TSGA10: variants seen among roughly 807,000 people sequenced by gnomAD.
TSGA10 encodes the protein testis-specific gene 10 protein.
A neutral mutation model predicts 96.6 loss-of-function variants in TSGA10; 43 were observed. The observed-to-expected ratio is 0.44, with a 90% confidence interval of 0.35 to 0.57. The LOEUF (loss-of-function observed/expected upper bound fraction) is 0.57. Ranked by LOEUF, TSGA10 falls within the 20% of genes least tolerant of loss-of-function variation. TSGA10 has a pLI of 0.01. For missense variants in TSGA10, 703 were observed against 834.4 expected, an observed-to-expected ratio of 0.84 and a Z score of 1.94; for synonymous variants, 229 against 269.9, an observed-to-expected ratio of 0.85 and a Z score of 1.48.
chr2:99,102,773 G>A (rs2104791616), intron 10 of TSGA10: 1 of 1,555,724 alleles, frequency 6.4e-7, no homozygotes, highest in Non-Finnish European at 8.9e-7. Context: ...CTACTTACTG[G>A]TTTGGGAGTT....
intron 20 of TSGA10, among the ~76,000 whole-genome samples, chr2:99,010,665 G>A (rs1277935294): frequency 6.6e-6 from 1 of 152,240 alleles, no homozygotes; most frequent in African/African-American, 2.4e-5. Context: ...AGCAGAATTG[G>A]GGAGGGGTCA....
chr2:99,082,639 C>G (rs1057190282), intron 10 of TSGA10, among the ~76,000 whole-genome samples: 8 of 152,076 alleles, frequency 5.3e-5, no homozygotes, highest in African/African-American at 1.9e-4. Flanking sequence ...GCTCTCAACC[C>G]AAGCACAGAA....
intron 1 of TSGA10, among the ~76,000 whole-genome samples, chr2:99,147,797 GTATC>G (rs34532676): frequency 0.51 from 76,788 of 151,420 alleles, 21,349 homozygotes; most frequent in Middle Eastern, 0.7. Flanking sequence ...CTGTATCTAT[GTATC>G]TATCTATCTA....
rs547114051 is a variant in TSGA10, at chr2:99,060,894, C to T, written c.1404+4045G>A. 2.0e-3 allele frequency among the ~76,000 whole-genome samples: 308 copies of T among 152,216 alleles called. 1 individual carries two copies. Among genetic ancestry groups the T allele is most frequent in the African/African-American group, 7.1e-3 (293 of 41,546 alleles). The stretch of plus-strand genomic sequence containing the variant: ...CTGTATGAGAAAAAATGAACCTTGA[C>T]CCTTATCTTACATCATACACAAGTA... On this transcript the variant is annotated intron_variant, in intron 16 of 20. Transcript: ENST00000393483.
chr2:99,041,345 C>G (rs1007748203), intron 16 of TSGA10, among the ~76,000 whole-genome samples: 1 of 152,116 alleles, frequency 6.6e-6, no homozygotes, highest in African/African-American at 2.4e-5. Flanking sequence ...CTTTGCGACA[C>G]CAGGGAACAA....
chr2:99,087,029 C>T (rs1211525040), intron 10 of TSGA10, among the ~76,000 whole-genome samples: 3 of 151,806 alleles, frequency 2.0e-5, no homozygotes, highest in Non-Finnish European at 2.9e-5. Context: ...ACAGTGAAAC[C>T]CCGTCTCTAC....
At chr2:99,032,006 C>T (rs904826071) in intron 17 of TSGA10, among the ~76,000 whole-genome samples, 4 of 152,156 alleles carry the variant, frequency 2.6e-5, no homozygotes, top group African/African-American at 9.7e-5. Flanking sequence ...AGACTCATAT[C>T]AAAACCCTAT....
chr2:99,080,592 A>G (rs1162461090), intron 11 of TSGA10, among the ~76,000 whole-genome samples: 6 of 152,242 alleles, frequency 3.9e-5, no homozygotes, highest in African/African-American at 1.4e-4. Context: ...CTCCTTCAAT[A>G]TTATCTTTTA....
At chr2:99,020,536 T>C in intron 17 of TSGA10, 54 bp from the exon 18 acceptor site, 3 of 1,365,846 alleles carry the variant, frequency 2.2e-6, no homozygotes, top group South Asian at 1.3e-5. Context: ...CACTTAACTA[T>C]TATATTATCA....
chr2:99,037,691 A>C (rs1300004098), intron 16 of TSGA10, among the ~76,000 whole-genome samples: 1 of 152,108 alleles, frequency 6.6e-6, no homozygotes, highest in Non-Finnish European at 1.5e-5. Flanking sequence ...TCTACTAAAA[A>C]TACAAAAAAT....
chr2:98,998,342 G>C (rs1008245434), intron 20 of TSGA10, 121 bp from the exon 21 acceptor site: 2 of 761,624 alleles, frequency 2.6e-6, no homozygotes, highest in African/African-American at 3.6e-5. Flanking sequence ...TCATTTCTAT[G>C]AAGGAAAACA....
At chr2:99,100,813 C>T (rs1363176386) in intron 10 of TSGA10, among the ~76,000 whole-genome samples, 1 of 123,492 alleles carries the variant, frequency 8.1e-6, no homozygotes, top group African/African-American at 3.0e-5. Flanking sequence ...GAGCGAGACT[C>T]CGTCTCAAAA....
chr2:99,113,563 T>C (rs1014065908), intron 4 of TSGA10, among the ~76,000 whole-genome samples: 1 of 152,212 alleles, frequency 6.6e-6, no homozygotes, highest in African/African-American at 2.4e-5. Flanking sequence ...TGTTGTTTTT[T>C]GAGATCGAGT....
At chr2:99,036,307 T>C (rs578200297) in intron 16 of TSGA10, among the ~76,000 whole-genome samples, 1 of 152,220 alleles carries the variant, frequency 6.6e-6, no homozygotes, top group South Asian at 2.1e-4. Context: ...CACTCTTTCT[T>C]ATTCTCCAAG....
intron 17 of TSGA10, among the ~76,000 whole-genome samples, chr2:99,032,937 T>C (rs2081275487): frequency 6.6e-6 from 1 of 152,208 alleles, no homozygotes; most frequent in Non-Finnish European, 1.5e-5. Context: ...GTGATATATT[T>C]TTCAGGAGCA....
Position 99,144,649 on chromosome 2 carries a change from C to CA in TSGA10, c.-621+10043dup, listed in dbSNP as rs70940140. On this transcript the variant is annotated intron_variant, in intron 1 of 20. Transcript: ENST00000393483. ...GGGGGACAAGAACAAAACTCTGTCTCAAAAAAAAAAAAAAAAAAAAAAGAT... is the reference window on the plus strand; with the variant it reads ...GGGGGACAAGAACAAAACTCTGTCTCAAAAAAAAAAAAAAAAAAAAAAAGAT... Among the ~76,000 whole-genome samples the CA allele has an allele frequency of 5.9e-3, 307 of 52,208 alleles. 8 individuals are homozygous for CA. Among genetic ancestry groups the CA allele is most frequent in the South Asian group, 0.011 (10 of 926 alleles). 34.3% of individuals were successfully genotyped at this position (52,208 alleles called of 152,430 possible). A position where few individuals can be genotyped will look rare whatever the true frequency, so the allele number is the denominator to read the frequency against.
At chr2:99,089,234 G>C (rs374729687) in intron 10 of TSGA10, among the ~76,000 whole-genome samples, 2 of 152,186 alleles carry the variant, frequency 1.3e-5, no homozygotes, top group South Asian at 2.1e-4. Context: ...AGTAAGCAGC[G>C]GGAAGAGCCC....
intron 17 of TSGA10, among the ~76,000 whole-genome samples, chr2:99,027,010 T>C (rs1037307493): frequency 5.9e-5 from 9 of 152,186 alleles, no homozygotes; most frequent in Non-Finnish European, 1.3e-4. Context: ...CCTAGATCCC[T>C]TGCATGCGCA....
rs1488393164 is a variant in TSGA10 at position 99,118,616 on chromosome 2, T to C, written c.-421A>G. 1.8e-5 allele frequency: 18 copies of C among 984,786 alleles called. No homozygotes were observed. Among genetic ancestry groups the C allele is most frequent in the Non-Finnish European group, 2.0e-5 (17 of 829,526 alleles). The allele number at this position is 984,786 out of a possible 1,614,324, so 61.0% of individuals were successfully genotyped here. ...CTAATGTGGAGGAACACAGCTTTCCTTCCCAGCCCACTATCAAACCATCAA... is the reference window on the plus strand; with the variant it reads ...CTAATGTGGAGGAACACAGCTTTCCCTCCCAGCCCACTATCAAACCATCAA... On this transcript the variant is annotated 5_prime_UTR_variant, in exon 3 of 21. Transcript: ENST00000393483.
Sources: allele counts gnomAD v4.1 joint callset (sites outside exome capture counted in the v4.1 genomes callset), GRCh38; gene constraint gnomAD v4.1.1; transcripts MANE v1.5; gene names NCBI Gene and HGNC (gene_info 2026-07-23, HGNC 2026-07-21).